TTC7B: variants seen among roughly 807,000 people sequenced by gnomAD.
TTC7B encodes tetratricopeptide repeat domain 7B, also known as tetratricopeptide repeat protein 7B.
TTC7B carries 28 observed loss-of-function variants against 106.8 expected under a neutral mutation model. The observed-to-expected ratio is 0.26, with a 90% CI of 0.19 to 0.36. TTC7B has a LOEUF of 0.36. Among genes scored for constraint, TTC7B ranks in the 10% least tolerant of loss-of-function variants. The pLI is 1.00. For missense variants in TTC7B, 862 were observed against 1,076.4 expected (o/e 0.80, Z 2.79); for synonymous variants, 405 against 430.6 (o/e 0.94, Z 0.74).
intron 7 of TTC7B, among the ~76,000 whole-genome samples, chr14:90,681,441 T>A (rs1887043234): frequency 6.6e-6 from 1 of 151,996 alleles, no homozygotes; most frequent in Admixed American, 6.6e-5. Flanking sequence ...AGGGATAATA[T>A]TACAATCATG....
At chr14:90,788,226 C>T (rs1891456642) in intron 1 of TTC7B, among the ~76,000 whole-genome samples, 2 of 152,246 alleles carry the variant, frequency 1.3e-5, no homozygotes, top group Middle Eastern at 3.4e-3. Context: ...AATGAAGTGG[C>T]GCATACAGAG....
chr14:90,648,672 G>A (rs1885579655), intron 13 of TTC7B: 1 of 152,170 alleles, frequency 6.6e-6, no homozygotes, highest in African/African-American at 2.4e-5. Flanking sequence ...TTATTTCTAA[G>A]GTCCACTCAG....
chr14:90,801,767 G>A (rs953164932), intron 1 of TTC7B, among the ~76,000 whole-genome samples: 1 of 152,126 alleles, frequency 6.6e-6, no homozygotes, highest in African/African-American at 2.4e-5. Flanking sequence ...ATTGAAAGCT[G>A]CTGGAGCGCC....
chr14:90,765,763 C>T (rs1322957598), intron 3 of TTC7B, among the ~76,000 whole-genome samples: 4 of 152,216 alleles, frequency 2.6e-5, no homozygotes, highest in Non-Finnish European at 4.4e-5. Flanking sequence ...AAAGAGCACC[C>T]TGTCCTCCAA....
At position 90,577,978 on chromosome 14, in the gene TTC7B, C is replaced by T; in HGVS notation, c.2310+128G>A. Reference sequence around the variant, plus strand: ...TGCCCTCTGGCTTCAGGCCATGTGACAGCCTGGCAAGCTAACTGCATGGGG... The same window carrying T: ...TGCCCTCTGGCTTCAGGCCATGTGATAGCCTGGCAAGCTAACTGCATGGGG... On this transcript the variant is annotated intron_variant, in intron 19 of 19. Transcript: ENST00000328459. This position sits in a 1 kb window ranked among gnomAD's most constrained non-coding sequence, Gnocchi z 5.0. 1.7e-6 allele frequency: 2 copies of T among 1,186,566 alleles called. No homozygotes were observed. The highest frequency in any genetic ancestry group is 1.2e-6 in the Non-Finnish European group (1 of 846,268). 73.5% of individuals were successfully genotyped at this position (1,186,566 alleles called of 1,614,324 possible).
intron 3 of TTC7B, among the ~76,000 whole-genome samples, chr14:90,761,050 C>T (rs1298062553): frequency 1.3e-5 from 2 of 152,216 alleles, no homozygotes; most frequent in Non-Finnish European, 2.9e-5. Context: ...TCTGATCTAA[C>T]CAACCCCTAT....
chr14:90,626,078 G>A (rs950934776), intron 15 of TTC7B, among the ~76,000 whole-genome samples: 6 of 152,076 alleles, frequency 3.9e-5, no homozygotes, highest in Non-Finnish European at 8.8e-5. Context: ...AGATCACAAG[G>A]GGATTCATGC....
intron 9 of TTC7B, among the ~76,000 whole-genome samples, chr14:90,659,213 T>C (rs74081265): frequency 2.7e-5 from 4 of 146,620 alleles, no homozygotes; most frequent in African/African-American, 7.5e-5. Context: ...ACGAGTGTGA[T>C]TGTGTGTGTG....
rs1432455940 is a variant in TTC7B, at chr14:90,805,435, T to C, written c.121+10740A>G. ...TGTACCACAATGCCCGGCTAATTTTTTTGTACTTTTAGTAGAGACAGAGTT... is the reference window on the plus strand; with the variant it reads ...TGTACCACAATGCCCGGCTAATTTTCTTGTACTTTTAGTAGAGACAGAGTT... On this transcript the variant is annotated intron_variant, in intron 1 of 19. Coordinates refer to ENST00000328459, the MANE Select transcript of TTC7B (RefSeq NM_001010854.2). The surrounding 1 kb of genome is among the most constrained non-coding windows in gnomAD (Gnocchi z 4.0). 6.6e-6 allele frequency among the ~76,000 whole-genome samples: 1 copy of C among 152,156 alleles called. No homozygotes were observed. Among genetic ancestry groups the C allele is most frequent in the African/African-American group, 2.4e-5 (1 of 41,434 alleles).
chr14:90,791,788 C>T (rs151101912), intron 1 of TTC7B, among the ~76,000 whole-genome samples: 4 of 152,188 alleles, frequency 2.6e-5, no homozygotes, highest in East Asian at 1.9e-4. Flanking sequence ...AGCAGAGCAG[C>T]GCCACACAAG....
rs557784985 is a variant in TTC7B, at chr14:90,686,058, T to C, written c.950+3482A>G. 8.7e-4 allele frequency among the ~76,000 whole-genome samples: 133 copies of C among 152,270 alleles called. 1 individual carries two copies. Among genetic ancestry groups the C allele is most frequent in the African/African-American group, 3.1e-3 (130 of 41,570 alleles). On this transcript the variant is annotated intron_variant, in intron 7 of 19. Coordinates refer to ENST00000328459, the MANE Select transcript of TTC7B (RefSeq NM_001010854.2). ...AAGACATCATAAGAAAACTGCAGAATAGTATCCTTTATAAATATAGATGTA... is the reference window on the plus strand; with the variant it reads ...AAGACATCATAAGAAAACTGCAGAACAGTATCCTTTATAAATATAGATGTA...
chr14:90,690,157 A>G (rs1004939325), intron 6 of TTC7B, among the ~76,000 whole-genome samples: 1 of 152,158 alleles, frequency 6.6e-6, no homozygotes, highest in Non-Finnish European at 1.5e-5. Flanking sequence ...CTCACTGACA[A>G]TCCGATGTCC....
At chr14:90,665,595 G>A (rs903712778) in intron 9 of TTC7B, among the ~76,000 whole-genome samples, 1 of 152,224 alleles carries the variant, frequency 6.6e-6, no homozygotes, top group Non-Finnish European at 1.5e-5. Flanking sequence ...TGGAATTCAA[G>A]AGTAAGATTC....
rs1042811494 is a variant in TTC7B, at chr14:90,759,627, A to G, written c.446-14705T>C. Among the ~76,000 whole-genome samples, 7 of 152,244 alleles carry G rather than the reference A, an allele frequency of 4.6e-5. No homozygotes were observed. Among genetic ancestry groups the G allele is most frequent in the African/African-American group, 1.7e-4 (7 of 41,466 alleles). ...AGCCAAACAGCTTGAAAGTTGACAA[A>G]TTGAGATGAACCAGCTCGTCGGTGA... On this transcript the variant is annotated intron_variant, in intron 3 of 19. Transcript: ENST00000328459. This position sits in a 1 kb window ranked among gnomAD's most constrained non-coding sequence, Gnocchi z 4.1.
intron 5 of TTC7B, chr14:90,699,097 C>A (rs1887881445): frequency 4.5e-6 from 2 of 448,932 alleles, no homozygotes; most frequent in African/African-American, 2.0e-5. Flanking sequence ...CCCCCTTGGG[C>A]CCCATGGCAG....
intron 13 of TTC7B, among the ~76,000 whole-genome samples, chr14:90,650,797 C>CT: frequency 6.6e-6 from 1 of 152,204 alleles, no homozygotes; most frequent in East Asian, 1.9e-4. Flanking sequence ...CTTCACTATA[C>CT]TTTAGTACAG....
chr14:90,781,386 G>C (rs554587716), intron 2 of TTC7B, among the ~76,000 whole-genome samples: 1 of 152,264 alleles, frequency 6.6e-6, no homozygotes, highest in Admixed American at 6.5e-5. Context: ...ACAACTTCAT[G>C]AATATACTAA....
intron 5 of TTC7B, among the ~76,000 whole-genome samples, chr14:90,706,165 T>TA (rs1888201519): frequency 3.0e-5 from 2 of 67,020 alleles, no homozygotes; most frequent in Admixed American, 2.7e-4. Flanking sequence ...GGAATAATTT[T>TA]TTTTTTTTTT....
At chr14:90,756,087 T>G (rs1269653151) in intron 3 of TTC7B, among the ~76,000 whole-genome samples, 2 of 152,208 alleles carry the variant, frequency 1.3e-5, no homozygotes, top group Non-Finnish European at 2.9e-5. Context: ...CCTTGTAATT[T>G]TGGTCTTGGT....
Sources: allele counts gnomAD v4.1 joint callset (sites outside exome capture counted in the v4.1 genomes callset), GRCh38; gene constraint gnomAD v4.1.1; non-coding constraint Gnocchi (gnomAD v3.1); transcripts MANE v1.5; gene names NCBI Gene and HGNC (gene_info 2026-07-23, HGNC 2026-07-21).